The following SELENOF variants were observed in gnomAD, a reference collection of about 807,000 sequenced individuals.
SELENOF encodes the protein 15 kDa selenoprotein.
In SELENOF, 16 loss-of-function variants were observed where a neutral mutation model predicts 20.5. That is an observed-to-expected ratio of 0.78 (90% CI 0.53 to 1.19). SELENOF has a LOEUF of 1.19. Ranked by LOEUF, SELENOF falls within the 50% of genes most tolerant of loss-of-function variation. The probability of loss-of-function intolerance (pLI) is 0.00; values close to 1 mark genes in which losing one functional copy is unlikely to be tolerated. For synonymous variants in SELENOF, 78 were observed against 74.5 expected (o/e 1.05, Z -0.24); for missense variants, 215 against 194.2 (o/e 1.11, Z -0.64).
intron 2 of SELENOF, among the ~76,000 whole-genome samples, chr1:86,885,734 C>A (rs1462970014): frequency 6.6e-6 from 1 of 152,098 alleles, no homozygotes; most frequent in East Asian, 1.9e-4. Flanking sequence ...TGAAAAGAGT[C>A]CAAGCTGTCA....
chr1:86,911,281 G>T (rs1468720490), intron 1 of SELENOF, among the ~76,000 whole-genome samples: 2 of 152,228 alleles, frequency 1.3e-5, no homozygotes, highest in African/African-American at 4.8e-5. Flanking sequence ...TTGTTGTAGG[G>T]TAGGAGAAAG....
At chr1:86,873,887 A>G (rs1658854532) in intron 3 of SELENOF, among the ~76,000 whole-genome samples, 1 of 151,714 alleles carries the variant, frequency 6.6e-6, no homozygotes, top group Non-Finnish European at 1.5e-5. Flanking sequence ...TAAAACAGCC[A>G]TGTTTGGCTA....
chr1:86,898,579 T>C (rs1177040715), intron 2 of SELENOF, among the ~76,000 whole-genome samples: 1 of 141,684 alleles, frequency 7.1e-6, no homozygotes, highest in Admixed American at 6.9e-5. Context: ...TTTCTCTTCT[T>C]CTTTTTTTTT....
At chr1:86,870,480 T>A (rs1658732823) in intron 3 of SELENOF, among the ~76,000 whole-genome samples, 2 of 152,232 alleles carry the variant, frequency 1.3e-5, no homozygotes, top group South Asian at 4.1e-4. Context: ...CTGTGCAAAA[T>A]ACTATGTAAC....
At chr1:86,897,106 G>A (rs1265181449) in intron 2 of SELENOF, among the ~76,000 whole-genome samples, 1 of 152,158 alleles carries the variant, frequency 6.6e-6, no homozygotes, top group Non-Finnish European at 1.5e-5. Context: ...AGGAGTTTGA[G>A]ACCAGCCTGG....
chr1:86,869,741 TTTTC>T (rs558513544), intron 3 of SELENOF, among the ~76,000 whole-genome samples: 2,043 of 151,830 alleles, frequency 0.013, 19 homozygotes, highest in Middle Eastern at 0.037. Flanking sequence ...CTTTCTTTTC[TTTTC>T]TTTCTTTCTT....
intron 3 of SELENOF, among the ~76,000 whole-genome samples, chr1:86,872,452 T>G (rs1231206803): frequency 6.6e-6 from 1 of 151,922 alleles, no homozygotes; most frequent in Non-Finnish European, 1.5e-5. Flanking sequence ...CACCGCAACC[T>G]CCGCCTCTCG....
intron 2 of SELENOF, among the ~76,000 whole-genome samples, chr1:86,886,199 T>TA (rs1557461964): frequency 6.6e-6 from 1 of 152,162 alleles, no homozygotes; most frequent in Non-Finnish European, 1.5e-5. Context: ...CTACCCCAGA[T>TA]AAACTAAATT....
At chr1:86,880,292 C>T (rs958699930) in intron 3 of SELENOF, among the ~76,000 whole-genome samples, 3 of 152,020 alleles carry the variant, frequency 2.0e-5, no homozygotes, top group African/African-American at 2.4e-5. Context: ...CCCGCCACCG[C>T]GCCCAGCTAA....
intron 2 of SELENOF, among the ~76,000 whole-genome samples, chr1:86,890,590 A>AGT (rs1659355284): frequency 6.6e-6 from 1 of 151,748 alleles, no homozygotes; most frequent in Non-Finnish European, 1.5e-5. Context: ...CCTAGGCTCG[A>AGT]GTGATCCTCC....
intron 2 of SELENOF, 125 bp downstream of exon 2, chr1:86,903,156 T>C (rs1659743679): frequency 2.5e-6 from 2 of 792,886 alleles, no homozygotes; most frequent in East Asian, 3.0e-5. Context: ...AAGAAATCAG[T>C]TGAGTTTTAC....
At chr1:86,914,504 G>T (rs1269631589), upstream of SELENOF, 2 of 252,296 alleles carry the variant, frequency 7.9e-6, no homozygotes, top group Non-Finnish European at 7.9e-6. Context: ...AGAGCGAAGC[G>T]CAGGGGCTCT....
intron 2 of SELENOF, among the ~76,000 whole-genome samples, chr1:86,896,132 G>A (rs997599725): frequency 4.6e-5 from 7 of 152,044 alleles, no homozygotes; most frequent in Non-Finnish European, 1.0e-4. Flanking sequence ...CGAGGCTGAG[G>A]CAGGAGAATC....
chr1:86,869,562 C>A (rs780166215), intron 3 of SELENOF, among the ~76,000 whole-genome samples: 28 of 152,006 alleles, frequency 1.8e-4, no homozygotes, highest in Non-Finnish European at 3.7e-4. Flanking sequence ...TTAATAGAGG[C>A]CTATACATGG....
chr1:86,892,516 T>C (rs1243680952), intron 2 of SELENOF, among the ~76,000 whole-genome samples: 6 of 152,190 alleles, frequency 3.9e-5, no homozygotes, highest in African/African-American at 1.4e-4. Flanking sequence ...TTAACCTCCA[T>C]TTCATCCTTC....
chr1:86,870,998 C>T (rs887709147), intron 3 of SELENOF, among the ~76,000 whole-genome samples: 1 of 152,090 alleles, frequency 6.6e-6, no homozygotes, highest in Non-Finnish European at 1.5e-5. Context: ...TCACTAATTA[C>T]TATTTTTCAT....
At chr1:86,886,717 A>G (rs557014214) in intron 2 of SELENOF, among the ~76,000 whole-genome samples, 1 of 152,166 alleles carries the variant, frequency 6.6e-6, no homozygotes, top group African/African-American at 2.4e-5. Flanking sequence ...TGTTAGGTGA[A>G]CAAAAGCAAA....
chr1:86,907,825 A>G (rs1211613547), intron 1 of SELENOF, among the ~76,000 whole-genome samples: 1 of 152,118 alleles, frequency 6.6e-6, no homozygotes, highest in African/African-American at 2.4e-5. Flanking sequence ...CTCTACTAAT[A>G]ATACAAAAAA....
intron 2 of SELENOF, among the ~76,000 whole-genome samples, chr1:86,892,586 T>G (rs1170367860): frequency 6.6e-6 from 1 of 152,234 alleles, no homozygotes; most frequent in African/African-American, 2.4e-5. Context: ...AATTTGCCAT[T>G]GTCTTAAATA....
Sources: allele counts gnomAD v4.1 joint callset (sites outside exome capture counted in the v4.1 genomes callset), GRCh38; gene constraint gnomAD v4.1.1; transcripts MANE v1.5; gene names NCBI Gene and HGNC (gene_info 2026-07-23, HGNC 2026-07-21).